Variants in ZNF91 observed in about 807,000 individuals in gnomAD.
ZNF91 encodes zinc finger protein 91.
Under a neutral mutation model 12.6 loss-of-function variants are expected in ZNF91, and 7 were observed. The ratio of observed to expected loss-of-function variants is 0.55; its 90% CI spans 0.31 to 1.04. ZNF91 has a LOEUF of 1.04. Among genes scored for constraint, ZNF91 ranks in the 50% least tolerant of loss-of-function variants. The pLI is 0.05. For synonymous variants in ZNF91, 453 were observed against 462.6 expected (o/e 0.98, Z 0.27); for missense variants, 1,217 against 1,385.4 (o/e 0.88, Z 1.93).
chr19:23,379,297 A>G (rs1337288415), intron 1 of ZNF91, among the ~76,000 whole-genome samples: 1 of 152,208 alleles, frequency 6.6e-6, no homozygotes, highest in Non-Finnish European at 1.5e-5. Context: ...CTGAGAGGGA[A>G]AGTCCCCTCT....
At position 23,362,410 on chromosome 19, in the gene ZNF91, G is replaced by A. The variant is rs1233047856; in HGVS notation, c.569C>T (p.Ser190Leu). The change falls in exon 4 of 4, where the codon TCA becomes TTA. Residue 190 changes from serine to leucine, a missense_variant. By Grantham distance (145) the Ser-to-Leu change is moderately radical (BLOSUM62 -2). Around this residue, in one of 2 missense-constraint regions of ZNF91, gnomAD observed 726 missense variants for 895.5 expected, o/e 0.81. Transcript: ENST00000300619. The part of the protein sequence containing the change: ...KCFKCKKCVK[S>L]FCIRLHKTQH... Reference sequence around the variant, plus strand: ...GGTTTTGTGTAAACGGATGCAAAATGACTTGACACATTTTTTACATTTGAA... The same window carrying A: ...GGTTTTGTGTAAACGGATGCAAAATAACTTGACACATTTTTTACATTTGAA... The A allele has an allele frequency of 6.2e-7, 1 of 1,613,964 alleles. No individual in the cohort carries two copies. Among genetic ancestry groups the A allele is most frequent in the Non-Finnish European group, 8.5e-7 (1 of 1,179,976 alleles).
intron 3 of ZNF91, among the ~76,000 whole-genome samples, chr19:23,363,184 T>C (rs184022532): frequency 8.7e-4 from 133 of 152,292 alleles, no homozygotes; most frequent in Middle Eastern, 3.4e-3. Context: ...TATAACAGAG[T>C]GCCTTTAGAA....
chr19:23,349,848 A>G (rs1390191044), intron 3 of ZNF91, among the ~76,000 whole-genome samples: 1 of 152,176 alleles, frequency 6.6e-6, no homozygotes, highest in Non-Finnish European at 1.5e-5. Context: ...CAAACAAACA[A>G]AAACAACCAT....
intron 1 of ZNF91, among the ~76,000 whole-genome samples, chr19:23,381,707 G>A (rs1200760447): frequency 2.0e-5 from 3 of 151,928 alleles, no homozygotes; most frequent in East Asian, 1.9e-4. Flanking sequence ...TGATCCGCCC[G>A]ACTTGGCCTC....
chr19:23,387,356 A>AG (rs1969905035), intron 1 of ZNF91, among the ~76,000 whole-genome samples: 1 of 152,222 alleles, frequency 6.6e-6, no homozygotes, highest in Non-Finnish European at 1.5e-5. Flanking sequence ...GTTTCACTGC[A>AG]GCACTATTCA....
downstream of ZNF91, chr19:23,338,452 C>T (rs571794281): frequency 1.3e-5 from 2 of 151,694 alleles, no homozygotes; most frequent in South Asian, 4.2e-4. Flanking sequence ...AAAGTCTTAC[C>T]CTGACAAATA....
intron 1 of ZNF91, among the ~76,000 whole-genome samples, chr19:23,321,869 T>C (rs1339696962): frequency 1.3e-5 from 2 of 152,190 alleles, no homozygotes; most frequent in Non-Finnish European, 2.9e-5. Context: ...TAGTGGCTTA[T>C]CCCTGGGCCC....
chr19:23,346,859 T>C (rs995631245), intron 3 of ZNF91, among the ~76,000 whole-genome samples: 5 of 152,096 alleles, frequency 3.3e-5, no homozygotes, highest in Admixed American at 6.5e-5. Flanking sequence ...CGCAGTTTCC[T>C]CTCTCCCCCA....
chr19:23,376,459 G>A (rs900271887), intron 1 of ZNF91, among the ~76,000 whole-genome samples: 1 of 150,676 alleles, frequency 6.6e-6, no homozygotes, highest in African/African-American at 2.4e-5. Flanking sequence ...GCACGATCTC[G>A]GCTCACCACA....
chr19:23,374,769 AAAACACACAC>A lies in ZNF91; in HGVS notation c.31-15_31-6del. 1.2e-6 allele frequency: 2 copies of A among 1,609,408 alleles called. No individual in the cohort carries two copies. The highest frequency in any genetic ancestry group is 1.7e-6 in the Non-Finnish European group (2 of 1,177,452). ...ATCCCTAAATGTCAACAGTCCCTGA[AAAACACACAC>A]AAACACACATATTTACAAAGTGGCT... On this transcript the variant is annotated splice_polypyrimidine_tract_variant and splice_region_variant and intron_variant, in intron 1 of 3. Coordinates refer to ENST00000300619, the MANE Select transcript of ZNF91 (RefSeq NM_003430.4).
At chr19:23,380,262 G>A (rs1216432454) in intron 1 of ZNF91, 11 of 31,736 alleles carry the variant, frequency 3.5e-4, no homozygotes, top group African/African-American at 1.2e-3. Flanking sequence ...GGGAAAATCC[G>A]TCTCAAAAAA....
intron 1 of ZNF91, chr19:23,328,999 T>C (rs1967883407): frequency 6.6e-6 from 1 of 152,240 alleles, no homozygotes; most frequent in African/African-American, 2.4e-5. Flanking sequence ...TGTGTTTTAG[T>C]TGGTTAAAAA....
downstream of ZNF91, among the ~76,000 whole-genome samples, chr19:23,354,289 C>T (rs1316567525): frequency 6.6e-6 from 1 of 151,950 alleles, no homozygotes; most frequent in Non-Finnish European, 1.5e-5. Context: ...GATTTCATAC[C>T]AGGTATGCAG....
chr19:23,354,168 A>G (rs1968431452), downstream of ZNF91, among the ~76,000 whole-genome samples: 1 of 152,192 alleles, frequency 6.6e-6, no homozygotes, highest in Non-Finnish European at 1.5e-5. Flanking sequence ...AATATCCTTG[A>G]TAAACATTGA....
intron 1 of ZNF91, chr19:23,380,490 GC>G (rs1173435635): frequency 2.6e-5 from 4 of 152,080 alleles, no homozygotes; most frequent in East Asian, 3.9e-4. Flanking sequence ...CACTGTGACA[GC>G]CCATGTCTTT....
intron 3 of ZNF91, among the ~76,000 whole-genome samples, chr19:23,351,331 GAAA>G (rs200744779): frequency 1.1e-5 from 1 of 93,324 alleles, no homozygotes; most frequent in African/African-American, 3.7e-5. Context: ...CACAGAAAAA[GAAA>G]AAAAAAAAAA....
At chr19:23,309,134 A>G (rs1160197320) in intron 1 of ZNF91, 1 of 151,274 alleles carries the variant, frequency 6.6e-6, no homozygotes, top group East Asian at 1.9e-4. Flanking sequence ...ATTGTAACAT[A>G]TCAATGGATT....
chr19:23,369,129 G>A (rs1969149793), intron 3 of ZNF91, among the ~76,000 whole-genome samples: 2 of 152,094 alleles, frequency 1.3e-5, no homozygotes, highest in Admixed American at 1.3e-4. Flanking sequence ...GCTAAACGTG[G>A]TGAAACCCTG....
At chr19:23,334,711 AT>A (rs1189605130), downstream of ZNF91, among the ~76,000 whole-genome samples, 1 of 152,196 alleles carries the variant, frequency 6.6e-6, no homozygotes, top group African/African-American at 2.4e-5. Flanking sequence ...AAAACATTGA[AT>A]ATGAACACTA....
Sources: gnomAD v4.1 joint callset for allele counts (sites outside exome capture counted in the v4.1 genomes callset) on GRCh38, gnomAD v4.1.1 for gene constraint, gnomAD v4.1.1 regional missense constraint, MANE v1.5 for transcripts, NCBI Gene and HGNC (gene_info 2026-07-23, HGNC 2026-07-21) for gene names.